Variants in PCDHA10 observed in about 807,000 individuals in gnomAD.
The protein encoded by PCDHA10 is protocadherin alpha-10.
In PCDHA10, 45 loss-of-function variants were observed where a neutral mutation model predicts 61.2. The observed-to-expected ratio is 0.74, with a 90% CI of 0.58 to 0.94. PCDHA10 has a LOEUF of 0.94. Ranked by LOEUF, PCDHA10 falls within the 40% of genes least tolerant of loss-of-function variation. The probability of loss-of-function intolerance (pLI) is 0.00; values close to 1 mark genes in which losing one functional copy is unlikely to be tolerated. For missense variants in PCDHA10, 1,278 were observed against 1,236.2 expected (o/e 1.03, Z -0.51); for synonymous variants, 602 against 548.8 (o/e 1.10, Z -1.35).
chr5:140,890,043 G>GT (rs1255415089), intron 1 of PCDHA10, among the ~76,000 whole-genome samples: 1 of 152,192 alleles, frequency 6.6e-6, no homozygotes, highest in Non-Finnish European at 1.5e-5. Context: ...ACTGTAGTGT[G>GT]TTGGAGCTGG....
chr5:140,968,107 G>A (rs200195064), intron 1 of PCDHA10: 58 of 1,613,992 alleles, frequency 3.6e-5, no homozygotes, highest in African/African-American at 5.3e-5. Context: ...GGGGAATACC[G>A]CAGCTCACAT....
intron 1 of PCDHA10, chr5:140,871,022 A>G (rs2052630009): frequency 6.2e-7 from 1 of 1,613,114 alleles, no homozygotes; most frequent in African/African-American, 1.3e-5. Context: ...GACGAGGCAG[A>G]CTCGCCGCGC....
chr5:140,945,409 T>C (rs945280530), intron 1 of PCDHA10, among the ~76,000 whole-genome samples: 4 of 152,116 alleles, frequency 2.6e-5, no homozygotes, highest in African/African-American at 9.7e-5. Flanking sequence ...ACAATTCGTA[T>C]CAAAATTTCA....
At chr5:140,917,324 C>CGGG (rs1299895515) in intron 1 of PCDHA10, among the ~76,000 whole-genome samples, 10 of 76,182 alleles carry the variant, frequency 1.3e-4, no homozygotes, top group South Asian at 4.5e-4. Flanking sequence ...GTTCATGTGG[C>CGGG]GGGGGAGGGG....
intron 1 of PCDHA10, among the ~76,000 whole-genome samples, chr5:140,893,662 A>C (rs1462433571): frequency 6.6e-6 from 1 of 152,204 alleles, no homozygotes; most frequent in Non-Finnish European, 1.5e-5. Flanking sequence ...GTTTTAAAAA[A>C]TTTCAGCACT....
chr5:140,937,219 T>A (rs555881657), intron 1 of PCDHA10, among the ~76,000 whole-genome samples: 4 of 151,838 alleles, frequency 2.6e-5, no homozygotes, highest in East Asian at 3.9e-4. Context: ...TTGTATTTTT[T>A]GTAGAGACGG....
intron 3 of PCDHA10, among the ~76,000 whole-genome samples, chr5:140,990,731 A>G (rs1554251699): frequency 1.3e-5 from 2 of 152,166 alleles, no homozygotes; most frequent in South Asian, 4.1e-4. Flanking sequence ...AGGTATATCA[A>G]CAGCCCTAGG....
At chr5:140,941,222 T>TCTTC (rs2092907237) in intron 1 of PCDHA10, among the ~76,000 whole-genome samples, 2 of 116,858 alleles carry the variant, frequency 1.7e-5, no homozygotes, top group Non-Finnish European at 3.8e-5. Flanking sequence ...TTCCTTTCTT[T>TCTTC]CTTTCTTTCT....
At chr5:140,975,940 G>A (rs562983011) in intron 1 of PCDHA10, among the ~76,000 whole-genome samples, 1 of 152,216 alleles carries the variant, frequency 6.6e-6, no homozygotes, top group Admixed American at 6.5e-5. Flanking sequence ...TGAAGCAATA[G>A]GACATATTAG....
chr5:141,000,359 CTG>C (rs1554257257), intron 3 of PCDHA10, among the ~76,000 whole-genome samples: 2 of 78,146 alleles, frequency 2.6e-5, no homozygotes, highest in South Asian at 4.6e-4. Context: ...CTGTCTCTCT[CTG>C]TCTCTCTCTC....
intron 1 of PCDHA10, among the ~76,000 whole-genome samples, chr5:140,888,049 T>C (rs554327528): frequency 1.3e-5 from 2 of 152,354 alleles, no homozygotes; most frequent in South Asian, 2.1e-4. Context: ...GTATAATAGA[T>C]GTTTTAACTT....
At chr5:140,969,267 G>A in intron 1 of PCDHA10, 5 of 1,614,208 alleles carry the variant, frequency 3.1e-6, no homozygotes, top group South Asian at 2.2e-5. Flanking sequence ...AATCTCACAG[G>A]CCAAAGTGGT....
Position 141,010,424 on chromosome 5 carries a change from C to A in PCDHA10, c.*487C>A. ...CTTAGACTAATTGGTACAAGGAAGGCAAGAAAACAAAGACAAATAAACAGC... is the reference window on the plus strand; with the variant it reads ...CTTAGACTAATTGGTACAAGGAAGGAAAGAAAACAAAGACAAATAAACAGC... On this transcript the variant is annotated 3_prime_UTR_variant, in exon 4 of 4. Transcript: ENST00000307360. The A allele has an allele frequency of 9.0e-7, 1 of 1,113,698 alleles. No homozygotes were observed. The highest frequency in any genetic ancestry group is 1.2e-6 in the Non-Finnish European group (1 of 808,116). 69.0% of individuals were successfully genotyped at this position (1,113,698 alleles called of 1,614,324 possible). A position where few individuals can be genotyped will look rare whatever the true frequency, so the allele number is the denominator to read the frequency against.
At position 140,923,025 on chromosome 5, in the gene PCDHA10, C is replaced by G. The variant is rs547252764; in HGVS notation, c.2389-55924C>G. ...GGTTGTTGGACTGCAGTTTCGGACTCTATTACTACATGTATAGTATTTAGA... is the reference window on the plus strand; with the variant it reads ...GGTTGTTGGACTGCAGTTTCGGACTGTATTACTACATGTATAGTATTTAGA... On this transcript the variant is annotated intron_variant, in intron 1 of 3. Coordinates refer to ENST00000307360, the MANE Select transcript of PCDHA10 (RefSeq NM_018901.4). 2.6e-5 allele frequency among the ~76,000 whole-genome samples: 4 copies of G among 152,296 alleles called. No homozygotes were observed. The East Asian group carries it at 7.7e-4, about 29-fold the overall frequency.
chr5:140,908,848 C>T (rs949816953), intron 1 of PCDHA10, among the ~76,000 whole-genome samples: 4 of 152,126 alleles, frequency 2.6e-5, no homozygotes, highest in East Asian at 3.9e-4. Context: ...GAGTAACATA[C>T]CCAAATGAGG....
At chr5:140,879,939 T>C (rs1554171083) in intron 1 of PCDHA10, among the ~76,000 whole-genome samples, 1 of 152,194 alleles carries the variant, frequency 6.6e-6, no homozygotes. Flanking sequence ...TGTGATTGTA[T>C]TTAGGGCCCA....
rs1554163586 is a variant in PCDHA10, at chr5:140,869,907, C to T, written c.2388+11471C>T. ...TTGTGCTCAAACTAAACGCCACAGA[C>T]CGAGACGAAGGAGTCAATGGAGAGG... is the stretch of plus-strand genomic sequence containing the variant. On this transcript the variant is annotated intron_variant, in intron 1 of 3. Transcript: ENST00000307360. 1.9e-6 allele frequency: 3 copies of T among 1,610,738 alleles called. No individual in the cohort carries two copies. The East Asian group carries it at 6.7e-5, about 36-fold the overall frequency.
At chr5:141,009,602 T>G in intron 3 of PCDHA10, 25 bp from the exon 4 acceptor site, 1 of 1,608,136 alleles carries the variant, frequency 6.2e-7, no homozygotes, top group Non-Finnish European at 8.5e-7. Flanking sequence ...ACCCTGTTAA[T>G]GATTTGTAAT....
At chr5:140,871,297 G>T (rs781824958) in intron 1 of PCDHA10, 1 of 1,613,896 alleles carries the variant, frequency 6.2e-7, no homozygotes, top group Non-Finnish European at 8.5e-7. Flanking sequence ...GGGCGCGTGC[G>T]CGCCGGGGAA....
Sources: allele counts gnomAD v4.1 joint callset (sites outside exome capture counted in the v4.1 genomes callset), GRCh38; gene constraint gnomAD v4.1.1; transcripts MANE v1.5; gene names NCBI Gene and HGNC (gene_info 2026-07-23, HGNC 2026-07-21).